POR: variants seen among roughly 807,000 people sequenced by gnomAD.
POR encodes the protein cytochrome p450 oxidoreductase, also known as NADPH--cytochrome P450 reductase.
Under a neutral mutation model 84.0 loss-of-function variants are expected in POR, and 56 were observed. The ratio of observed to expected loss-of-function variants is 0.67; its 90% confidence interval spans 0.54 to 0.83. The LOEUF (loss-of-function observed/expected upper bound fraction) is 0.83, where lower values mean the gene tolerates loss of function less well. POR is among the 40% of genes least tolerant of loss of function. POR has a pLI of 0.00. For missense variants in POR, 938 were observed against 944.3 expected (o/e 0.99, Z 0.09); for synonymous variants, 414 against 400.5 (o/e 1.03, Z -0.40).
At chr7:75,965,195 C>G (rs1403284013) in intron 2 of POR, among the ~76,000 whole-genome samples, 1 of 152,182 alleles carries the variant, frequency 6.6e-6, no homozygotes, top group Non-Finnish European at 1.5e-5. Flanking sequence ...GGCTGCTGGC[C>G]TCAGCCTAGC....
intron 2 of POR, among the ~76,000 whole-genome samples, chr7:75,966,718 C>T (rs1788200100): frequency 6.6e-6 from 1 of 152,202 alleles, no homozygotes; most frequent in African/African-American, 2.4e-5. Flanking sequence ...GTGACGGGAA[C>T]AAAATGAACC....
rs1554559168 is a variant in POR, at chr7:75,985,785, C to T, written c.1605C>T (p.Gly535=). 3.2e-6 allele frequency: 5 copies of T among 1,571,320 alleles called. No homozygotes were observed. The highest frequency in any genetic ancestry group is 1.9e-5 in the Admixed American group (1 of 53,830). Residue 535 remains glycine (G), a synonymous_variant, in exon 13 of 16, where the codon GGC becomes GGT. Transcript: ENST00000461988. The stretch of plus-strand genomic sequence containing the variant: ...CCACCACGCCTGTCATCATGGTGGG[C>T]CCCGGCACCGGGGTGGCACCCTTCA...
At chr7:75,974,774 A>T (rs142986960) in intron 3 of POR, among the ~76,000 whole-genome samples, 107 of 152,048 alleles carry the variant, frequency 7.0e-4, no homozygotes, top group Admixed American at 1.5e-3. Flanking sequence ...TCATCCACTC[A>T]ACTTGGCCTC....
intron 1 of POR, among the ~76,000 whole-genome samples, chr7:75,924,986 T>TTA (rs1432143543): frequency 2.0e-5 from 3 of 152,064 alleles, no homozygotes; most frequent in Non-Finnish European, 4.4e-5. Flanking sequence ...TTTGTTGAAT[T>TTA]TCACTTTCCA....
Position 75,949,878 on chromosome 7 carries a change from A to G in POR, c.-4-4111A>G, listed in dbSNP as rs181291460. On this transcript the variant is annotated intron_variant, in intron 1 of 15. Transcript: ENST00000461988. ...CCTGACTTACTTTTTTTTTTTTTTG[A>G]GATGGAATCTCGCTCTGTCGCCCAG... 2.2e-5 allele frequency among the ~76,000 whole-genome samples: 3 copies of G among 139,166 alleles called. No individual in the cohort carries two copies. In the East Asian group the frequency reaches 6.4e-4, roughly 30 times the overall value. 91.3% of individuals were successfully genotyped at this position (139,166 alleles called of 152,430 possible).
At chr7:75,954,798 C>G (rs1787613202) in intron 2 of POR, among the ~76,000 whole-genome samples, 1 of 151,462 alleles carries the variant, frequency 6.6e-6, no homozygotes, top group African/African-American at 2.4e-5. Flanking sequence ...ACCTCTGCCT[C>G]CCAGGCTCAA....
In POR at chr7:75,923,573, T is replaced by C. The variant is rs782775954; in HGVS notation, c.-5+8394T>C. On this transcript the variant is annotated intron_variant, in intron 1 of 15. Transcript: ENST00000461988. Reference sequence around the variant, plus strand: ...TATTTCCTGCTTTATCTTCAAAAACTGTAAAGGAAGGGTCAAAGGAAAGAC... The same window carrying C: ...TATTTCCTGCTTTATCTTCAAAAACCGTAAAGGAAGGGTCAAAGGAAAGAC... 1.1e-3 allele frequency: 372 copies of C among 346,048 alleles called. 2 individuals carry two copies. The highest frequency in any genetic ancestry group is 1.8e-3 in the Non-Finnish European group (326 of 182,112). 21.4% of individuals were successfully genotyped at this position (346,048 alleles called of 1,614,324 possible).
chr7:75,976,990 A>G (rs1260316784), intron 3 of POR, among the ~76,000 whole-genome samples: 3 of 152,062 alleles, frequency 2.0e-5, no homozygotes, highest in South Asian at 2.1e-4. Flanking sequence ...AGCTAGAACC[A>G]TAGGCATGCG....
intron 2 of POR, among the ~76,000 whole-genome samples, chr7:75,955,008 A>T (rs1304715113): frequency 2.6e-5 from 4 of 151,752 alleles, no homozygotes; most frequent in Non-Finnish European, 5.9e-5. Flanking sequence ...GCGCCCAGTC[A>T]ATTTTTGTAT....
At chr7:75,938,018 C>T (rs1807782274) in intron 1 of POR, among the ~76,000 whole-genome samples, 1 of 152,206 alleles carries the variant, frequency 6.6e-6, no homozygotes, top group Non-Finnish European at 1.5e-5. Context: ...GGAGCTGCAG[C>T]TGCAGCATCA....
chr7:75,978,681 G>A (rs1357697972), intron 3 of POR, among the ~76,000 whole-genome samples: 8 of 152,120 alleles, frequency 5.3e-5, no homozygotes, highest in African/African-American at 1.9e-4. Flanking sequence ...GTGCCACCAT[G>A]CCCGGCTAAT....
intron 3 of POR, among the ~76,000 whole-genome samples, chr7:75,976,765 T>G (rs1206908608): frequency 6.6e-6 from 1 of 151,734 alleles, no homozygotes; most frequent in African/African-American, 2.4e-5. Flanking sequence ...AAAAAAACAA[T>G]TTTTAATGAT....
intron 3 of POR, 90 bp from the exon 4 acceptor site, chr7:75,979,361 C>A: frequency 6.7e-7 from 1 of 1,497,668 alleles, no homozygotes; most frequent in Non-Finnish European, 9.1e-7. Context: ...GCCTGGAGGG[C>A]CCCCGCCTGC....
intron 1 of POR, among the ~76,000 whole-genome samples, chr7:75,953,356 T>TAA (rs781821579): frequency 7.1e-4 from 87 of 122,424 alleles, no homozygotes; most frequent in African/African-American, 2.3e-3. Flanking sequence ...CTTTGTCTCT[T>TAA]AAAAAAAAAA....
chr7:75,943,960 A>G (rs1554551850), intron 1 of POR: 1 of 451,344 alleles, frequency 2.2e-6, no homozygotes, highest in East Asian at 5.9e-5. Flanking sequence ...ACTTAAAAAA[A>G]AAATAGCCAA....
At chr7:75,972,243 C>A (rs1347852651) in intron 2 of POR, among the ~76,000 whole-genome samples, 170 bp from the exon 3 acceptor site, 1 of 152,082 alleles carries the variant, frequency 6.6e-6, no homozygotes, top group Non-Finnish European at 1.5e-5. Context: ...GGATTAGAGG[C>A]CAGCTGCTGG....
In POR at chr7:75,982,291, G is replaced by C. The variant is rs1423993564; in HGVS notation, c.799G>C (p.Gly267Arg). 2.5e-6 allele frequency: 4 copies of C among 1,612,544 alleles called. No homozygotes were observed. The highest frequency in any genetic ancestry group is 2.7e-5 in the African/African-American group (2 of 74,918). Residue 267 changes from glycine to arginine, a missense_variant, in exon 8 of 16, where the codon GGC becomes CGC. By Grantham distance (125) the Gly-to-Arg change is moderately radical. Coordinates refer to ENST00000461988, the MANE Select transcript of POR (RefSeq NM_000941.3). ...GGCCAAGGTGTACATGGGGGAGATG[G>C]GCCGGCTGAAGAGCTACGAGAACCA...
intron 1 of POR, among the ~76,000 whole-genome samples, chr7:75,924,155 G>A (rs181752692): frequency 2.2e-4 from 34 of 152,142 alleles, no homozygotes; most frequent in Admixed American, 6.5e-4. Context: ...AATTGAATCC[G>A]GAGATTCCTG....
chr7:75,934,910 A>G (rs1012340090), intron 1 of POR, among the ~76,000 whole-genome samples: 1 of 152,194 alleles, frequency 6.6e-6, no homozygotes, highest in Non-Finnish European at 1.5e-5. Context: ...AGCCTGGGAA[A>G]GGGGCAGACC....
Sources: allele counts gnomAD v4.1 joint callset (sites outside exome capture counted in the v4.1 genomes callset), GRCh38; gene constraint gnomAD v4.1.1; transcripts MANE v1.5; gene names NCBI Gene and HGNC (gene_info 2026-07-23, HGNC 2026-07-21).